Variants in CBX5 observed in about 807,000 individuals in gnomAD.
CBX5 encodes chromobox protein homolog 5.
In CBX5, 7 loss-of-function variants were observed where a neutral mutation model predicts 20.7. That is an observed-to-expected ratio of 0.34 (90% CI 0.19 to 0.63). The LOEUF (loss-of-function observed/expected upper bound fraction) is 0.63, where lower values mean the gene tolerates loss of function less well. Ranked by LOEUF, CBX5 falls within the 30% of genes least tolerant of loss-of-function variation. The pLI is 0.75. For missense variants in CBX5, 110 were observed against 224.1 expected (o/e 0.49, Z 3.25); for synonymous variants, 78 against 77.0 (o/e 1.01, Z -0.07).
chr12:54,267,965 G>A lies in CBX5; in HGVS notation c.-42-10273C>T, dbSNP rs555662482. Among the ~76,000 whole-genome samples, 9 of 152,244 alleles carry A rather than the reference G, an allele frequency of 5.9e-5. No homozygotes were observed. The East Asian group carries it at 9.7e-4, about 16-fold the overall frequency. ...TCGAGACCAGCCTGGCCAACATGGC[G>A]AAACCCCATCTCTACCAAAAATACA... On this transcript the variant is annotated intron_variant, in intron 1 of 4. Transcript: ENST00000209875.
Position 54,240,455 on chromosome 12 carries a change from G to A in CBX5, c.*1300C>T, listed in dbSNP as rs1240399273. 6.6e-6 allele frequency: 1 copy of A among 152,056 alleles called. No homozygotes were observed. The highest frequency in any genetic ancestry group is 1.5e-5 in the Non-Finnish European group (1 of 68,036). The allele number at this position is 152,056 out of a possible 1,614,324, so 9.4% of individuals were successfully genotyped here. A position where few individuals can be genotyped will look rare whatever the true frequency, so the allele number is the denominator to read the frequency against. On this transcript the variant is annotated 3_prime_UTR_variant, in exon 5 of 5. Transcript: ENST00000209875. ...TTGCCCAGGCTGGTCTCAAACTTCT[G>A]GCTTCAAGCAATTCTCCTGCCTCAG...
intron 1 of CBX5, among the ~76,000 whole-genome samples, chr12:54,264,312 T>C (rs1370920530): frequency 2.0e-5 from 3 of 152,190 alleles, no homozygotes. Context: ...CACGCCACCA[T>C]GCCTGGCTAC....
chr12:54,264,226 G>GT (rs1489860318), intron 1 of CBX5, among the ~76,000 whole-genome samples: 2 of 152,196 alleles, frequency 1.3e-5, no homozygotes, highest in Non-Finnish European at 2.9e-5. Flanking sequence ...GGTGCGGACA[G>GT]TTTATTGCAG....
rs1317638368 is a variant in CBX5 at position 54,239,218 on chromosome 12, C to T, written c.*2537G>A. The T allele has an allele frequency of 6.6e-6, 1 of 152,190 alleles. No homozygotes were observed. The allele number at this position is 152,190 out of a possible 1,614,324, so 9.4% of individuals were successfully genotyped here. On this transcript the variant is annotated 3_prime_UTR_variant, in exon 5 of 5. Coordinates refer to ENST00000209875, the MANE Select transcript of CBX5 (RefSeq NM_012117.3). ...AACAGATGGTAAGTAGTAGATGATA[C>T]TGGGGTTATTTCGGTAAAAGAATAT...
In CBX5 at chr12:54,233,290, AAC is replaced by A. The variant is rs1424026409; in HGVS notation, c.*8463_*8464del. ...TTAACAAAAAAAAGGTAGAAGAAAA[AAC>A]AGTTATGTCTTTTCTCCCCCTTTGG... On this transcript the variant is annotated 3_prime_UTR_variant, in exon 5 of 5. Coordinates refer to ENST00000209875, the MANE Select transcript of CBX5 (RefSeq NM_012117.3). 2.0e-5 allele frequency: 3 copies of A among 152,280 alleles called. No individual in the cohort carries two copies. The highest frequency in any genetic ancestry group is 1.9e-4 in the East Asian group (1 of 5,184). 9.4% of individuals were successfully genotyped at this position (152,280 alleles called of 1,614,324 possible).
At chr12:54,273,945 T>G (rs1944035402) in intron 1 of CBX5, 1 of 152,234 alleles carries the variant, frequency 6.6e-6, no homozygotes, top group Non-Finnish European at 1.5e-5. Flanking sequence ...GAATTGTGTT[T>G]CAGATAACCC....
chr12:54,260,827 T>C (rs1156602812), intron 1 of CBX5, among the ~76,000 whole-genome samples: 1 of 152,110 alleles, frequency 6.6e-6, no homozygotes, highest in African/African-American at 2.4e-5. Flanking sequence ...CTCTGCTTTA[T>C]AGATGTGGGA....
At chr12:54,251,883 C>T (rs1943808015) in intron 3 of CBX5, among the ~76,000 whole-genome samples, 158 bp downstream of exon 3, 1 of 152,174 alleles carries the variant, frequency 6.6e-6, no homozygotes, top group South Asian at 2.1e-4. Flanking sequence ...GGAGAGGGAG[C>T]TGTAATCAAC....
rs192593530 is a variant in CBX5, at chr12:54,275,403, G to A, written c.-43+4605C>T. ...GCTACAGGCGTGTGCCACCACGCCC[G>A]GCTAATTTTTTGTATTTTTAGCGGA... On this transcript the variant is annotated intron_variant, in intron 1 of 4. Transcript: ENST00000209875. Among the ~76,000 whole-genome samples, 185 of 151,940 alleles carry A rather than the reference G, an allele frequency of 1.2e-3. 2 individuals are homozygous for A. The highest frequency in any genetic ancestry group is 9.1e-3 in the East Asian group (46 of 5,070).
intron 1 of CBX5, among the ~76,000 whole-genome samples, chr12:54,277,527 C>G (rs981969276): frequency 2.6e-5 from 4 of 151,500 alleles, no homozygotes; most frequent in African/African-American, 4.8e-5. Context: ...TTAGTAGAGA[C>G]GGGTTTCACC....
intron 1 of CBX5, among the ~76,000 whole-genome samples, chr12:54,261,303 CTTTTT>C (rs372027623): frequency 7.0e-6 from 1 of 143,544 alleles, no homozygotes; most frequent in African/African-American, 2.5e-5. Context: ...TTTCTTTTTT[CTTTTT>C]TTTTTTTGAG....
intron 4 of CBX5, among the ~76,000 whole-genome samples, chr12:54,242,670 C>T (rs1252011116): frequency 6.6e-6 from 1 of 152,114 alleles, no homozygotes; most frequent in Non-Finnish European, 1.5e-5. Context: ...ATACTCATTA[C>T]CCCTCTGGCC....
At chr12:54,265,289 T>A (rs1943946498) in intron 1 of CBX5, among the ~76,000 whole-genome samples, 1 of 152,250 alleles carries the variant, frequency 6.6e-6, no homozygotes, top group Admixed American at 6.5e-5. Flanking sequence ...ATCTGCTCTA[T>A]GTTCCTTGCT....
chr12:54,274,830 C>T (rs1288654935), intron 1 of CBX5, among the ~76,000 whole-genome samples: 1 of 152,134 alleles, frequency 6.6e-6, no homozygotes, highest in Non-Finnish European at 1.5e-5. Flanking sequence ...GTCCCAGCTA[C>T]TCGGGAGGCT....
intron 3 of CBX5, 29 bp downstream of exon 3, chr12:54,252,012 T>G: frequency 6.6e-7 from 1 of 1,517,508 alleles, no homozygotes; most frequent in Non-Finnish European, 8.8e-7. Context: ...AAAAGAATAG[T>G]TTTTGGGGAA....
chr12:54,245,394 T>C (rs1349778642), intron 4 of CBX5, among the ~76,000 whole-genome samples: 3 of 152,208 alleles, frequency 2.0e-5, no homozygotes, highest in Non-Finnish European at 2.9e-5. Context: ...TTCTGAAGCA[T>C]AATTCCCATT....
intron 3 of CBX5, among the ~76,000 whole-genome samples, chr12:54,247,375 A>G (rs1943747589): frequency 6.6e-6 from 1 of 152,140 alleles, no homozygotes; most frequent in African/African-American, 2.4e-5. Context: ...CTGTCTCTGC[A>G]AATTAGCTGG....
rs1004731570 is a variant in CBX5 at position 54,240,915 on chromosome 12, T to A, written c.*840A>T. The A allele has an allele frequency of 1.3e-5, 2 of 152,184 alleles. No individual in the cohort carries two copies. Among genetic ancestry groups the A allele is most frequent in the African/African-American group, 4.8e-5 (2 of 41,440 alleles). 9.4% of individuals were successfully genotyped at this position (152,184 alleles called of 1,614,324 possible). ...AAATATGAGGAATGGAAAGAAATCA[T>A]ACATACATACCATATATGATAATAA... On this transcript the variant is annotated 3_prime_UTR_variant, in exon 5 of 5. Transcript: ENST00000209875.
chr12:54,247,980 AC>A (rs1425786202), intron 3 of CBX5, among the ~76,000 whole-genome samples: 5 of 151,632 alleles, frequency 3.3e-5, no homozygotes, highest in Admixed American at 1.3e-4. Context: ...AGTTGGGATT[AC>A]AGGTGCGTGC....
Sources: allele counts gnomAD v4.1 joint callset (sites outside exome capture counted in the v4.1 genomes callset), GRCh38; gene constraint gnomAD v4.1.1; transcripts MANE v1.5; gene names NCBI Gene and HGNC (gene_info 2026-07-23, HGNC 2026-07-21).